CEP89: variants seen among roughly 807,000 people sequenced by gnomAD.
The protein encoded by CEP89 is centrosomal protein 89.
In CEP89, 95 loss-of-function variants were observed where a neutral mutation model predicts 97.6. That is an observed-to-expected ratio of 0.97 (90% confidence interval 0.82 to 1.15). CEP89 has a LOEUF of 1.15. CEP89 is among the 50% of genes most tolerant of loss of function. The probability of loss-of-function intolerance (pLI) is 0.00; values close to 1 mark genes in which losing one functional copy is unlikely to be tolerated. For missense variants in CEP89, 869 were observed against 947.7 expected (o/e 0.92, Z 1.09); for synonymous variants, 354 against 349.1 (o/e 1.01, Z -0.16).
chr19:32,927,698 G>A (rs1261950119), intron 9 of CEP89, among the ~76,000 whole-genome samples: 1 of 151,638 alleles, frequency 6.6e-6, no homozygotes, highest in East Asian at 1.9e-4. Flanking sequence ...TCTGCCTTCT[G>A]GGCTCAAGCA....
At chr19:32,959,041 C>CAA (rs200800379) in intron 3 of CEP89, among the ~76,000 whole-genome samples, 13 of 125,988 alleles carry the variant, frequency 1.0e-4, no homozygotes, top group African/African-American at 3.3e-4. Flanking sequence ...ACAAAACAAA[C>CAA]AAAACAAAAA....
intron 14 of CEP89, among the ~76,000 whole-genome samples, chr19:32,904,766 A>AT (rs1969855113): frequency 6.6e-6 from 1 of 151,830 alleles, no homozygotes; most frequent in Non-Finnish European, 1.5e-5. Flanking sequence ...GAATTTTTGT[A>AT]TTTTTAGTAG....
intron 14 of CEP89, among the ~76,000 whole-genome samples, chr19:32,911,328 T>C (rs1197810592): frequency 6.6e-6 from 1 of 152,204 alleles, no homozygotes; most frequent in African/African-American, 2.4e-5. Context: ...ATGAACATGA[T>C]TTCAAAAATG....
intron 8 of CEP89, among the ~76,000 whole-genome samples, chr19:32,932,922 C>A (rs564512369): frequency 1.2e-3 from 179 of 152,200 alleles, no homozygotes; most frequent in Non-Finnish European, 2.2e-3. Context: ...TGTAGTCCAA[C>A]CTAGGTGACA....
rs559539339 is a variant in CEP89, at chr19:32,928,951, G to A, written c.1030-1967C>T. Among the ~76,000 whole-genome samples the A allele has an allele frequency of 3.3e-5, 5 of 152,240 alleles. No individual in the cohort carries two copies. In the South Asian group the frequency reaches 6.2e-4, roughly 19 times the overall value. ...GGGTCATAGGCTGGTGCTGCCTGCT[G>A]TTCGACATCTGTAAACATTTGCATT... On this transcript the variant is annotated intron_variant, in intron 9 of 18. Coordinates refer to ENST00000305768, the MANE Select transcript of CEP89 (RefSeq NM_032816.5).
intron 14 of CEP89, among the ~76,000 whole-genome samples, chr19:32,905,085 TG>T: frequency 6.6e-6 from 1 of 152,350 alleles, no homozygotes; most frequent in Non-Finnish European, 1.5e-5. Context: ...AAGTTTTTCA[TG>T]CCACGTGTGT....
intron 16 of CEP89, among the ~76,000 whole-genome samples, chr19:32,899,099 G>A (rs929466959): frequency 1.3e-5 from 2 of 149,622 alleles, no homozygotes; most frequent in African/African-American, 2.5e-5. Context: ...AACATTTTTT[G>A]AGAATGGTAT....
At chr19:32,926,550 C>G (rs964527580) in intron 10 of CEP89, among the ~76,000 whole-genome samples, 1 of 152,278 alleles carries the variant, frequency 6.6e-6, no homozygotes, top group Non-Finnish European at 1.5e-5. Context: ...ACAGGCTTGA[C>G]CTCCTGCGGT....
chr19:32,899,915 G>A lies in CEP89; in HGVS notation c.1817C>T (p.Ala606Val). 1 of 1,613,894 alleles carries A rather than the reference G, an allele frequency of 6.2e-7. No individual in the cohort carries two copies. Among genetic ancestry groups the A allele is most frequent in the Non-Finnish European group, 8.5e-7 (1 of 1,179,826 alleles). ...GNEMSAHQYL[A>V]NLVGLAENIT... The stretch of plus-strand genomic sequence containing the variant: ...GTTTTCTGCCAGGCCAACAAGGTTT[G>A]CCAGGTACTGATGAGCAGACATTTC... Residue 606 changes from alanine to valine, a missense_variant, in exon 16 of 19, where the codon GCA becomes GTA. Coordinates refer to ENST00000305768, the MANE Select transcript of CEP89 (RefSeq NM_032816.5).
At chr19:32,954,627 A>G (rs1318893128) in intron 3 of CEP89, among the ~76,000 whole-genome samples, 1 of 151,746 alleles carries the variant, frequency 6.6e-6, no homozygotes, top group Non-Finnish European at 1.5e-5. Flanking sequence ...TGCTAGGATT[A>G]CAGGCATGAG....
rs1455977169 is a variant in CEP89 at position 32,902,004 on chromosome 19, C to CTGTGTGTGTGTGTGTGTGTGTG, written c.1566-593_1566-592insCACACACACACACACACACACA. On this transcript the variant is annotated intron_variant, in intron 14 of 18. Transcript: ENST00000305768. ...TATGTCTCTGTCTCTCTGTCTCTCT[C>CTGTGTGTGTGTGTGTGTGTGTG]TCTCTCTGTGTGTGTGTGTGTGTGT... Among the ~76,000 whole-genome samples, 510 of 100,128 alleles carry CTGTGTGTGTGTGTGTGTGTGTG rather than the reference C, an allele frequency of 5.1e-3. 2 individuals carry two copies. The highest frequency in any genetic ancestry group is 0.014 in the Middle Eastern group (3 of 214). The allele number at this position is 100,128 out of a possible 152,430, so 65.7% of individuals were successfully genotyped here.
At chr19:32,953,531 A>G (rs1970969941) in intron 4 of CEP89, 84 bp downstream of exon 4, 3 of 1,098,550 alleles carry the variant, frequency 2.7e-6, no homozygotes, top group Middle Eastern at 2.1e-4. Context: ...GAATAGAGAG[A>G]AGAAATCCTT....
chr19:32,931,086 C>T (rs550062947), intron 9 of CEP89: 3 of 330,064 alleles, frequency 9.1e-6, no homozygotes, highest in Admixed American at 4.9e-5. Flanking sequence ...GAGACTGTCT[C>T]GCCATGTCCC....
chr19:32,922,845 C>T (rs559500494), intron 12 of CEP89, among the ~76,000 whole-genome samples: 182 of 74,358 alleles, frequency 2.4e-3, no homozygotes, highest in African/African-American at 0.011. Flanking sequence ...AAGACTCTGT[C>T]TCAAAAAAAA....
At chr19:32,907,340 C>T (rs749023239) in intron 14 of CEP89, among the ~76,000 whole-genome samples, 2 of 152,086 alleles carry the variant, frequency 1.3e-5, no homozygotes, top group Non-Finnish European at 1.5e-5. Context: ...CAGCCTGAGA[C>T]AAGATGAGAT....
At chr19:32,894,309 G>A (rs1447536528) in intron 16 of CEP89, among the ~76,000 whole-genome samples, 1 of 152,076 alleles carries the variant, frequency 6.6e-6, no homozygotes, top group African/African-American at 2.4e-5. Context: ...CCTTTCATGT[G>A]CGCCCTTGTA....
At chr19:32,930,444 T>A (rs1041413151) in intron 9 of CEP89, among the ~76,000 whole-genome samples, 3 of 151,748 alleles carry the variant, frequency 2.0e-5, no homozygotes, top group Admixed American at 2.0e-4. Flanking sequence ...ATAAATTGGA[T>A]GGTATGTGAA....
intron 14 of CEP89, among the ~76,000 whole-genome samples, chr19:32,914,893 G>A (rs34870973): frequency 0.22 from 33,323 of 151,512 alleles, 3,891 homozygotes; most frequent in East Asian, 0.51. Flanking sequence ...GTGGTGAGCC[G>A]CCCCTGTAAT....
chr19:32,919,963 A>G (rs1282193324), intron 12 of CEP89, among the ~76,000 whole-genome samples: 1 of 152,084 alleles, frequency 6.6e-6, no homozygotes, highest in Admixed American at 6.6e-5. Flanking sequence ...GGACTAATTT[A>G]TAAGACTTTT....
Sources: allele counts gnomAD v4.1 joint callset (sites outside exome capture counted in the v4.1 genomes callset), GRCh38; gene constraint gnomAD v4.1.1; transcripts MANE v1.5; gene names NCBI Gene and HGNC (gene_info 2026-07-23, HGNC 2026-07-21).